The following RAB28 variants were observed in gnomAD, a reference collection of about 807,000 sequenced individuals.
RAB28 encodes ras-related protein Rab-28.
Under a neutral mutation model 31.7 loss-of-function variants are expected in RAB28, and 24 were observed. The ratio of observed to expected loss-of-function variants is 0.76; its 90% CI spans 0.55 to 1.06. The LOEUF (loss-of-function observed/expected upper bound fraction) is 1.06. RAB28 is among the 50% of genes least tolerant of loss of function. The probability of loss-of-function intolerance (pLI) is 0.00; values close to 1 mark genes in which losing one functional copy is unlikely to be tolerated. For synonymous variants in RAB28, 100 were observed against 90.4 expected (o/e 1.11, Z -0.60); for missense variants, 254 against 258.5 (o/e 0.98, Z 0.12).
At chr4:13,471,152 G>T (rs1008323286) in intron 3 of RAB28, among the ~76,000 whole-genome samples, 4 of 152,008 alleles carry the variant, frequency 2.6e-5, no homozygotes, top group Non-Finnish European at 5.9e-5. Context: ...CATCTCTGAA[G>T]ATTTCTGTCC....
chr4:13,409,525 G>A, intron 4 of RAB28, among the ~76,000 whole-genome samples: 1 of 152,152 alleles, frequency 6.6e-6, no homozygotes, highest in South Asian at 2.1e-4. Context: ...CACAAGCAGT[G>A]CAAGTACTCA....
At chr4:13,450,572 A>C (rs1397097587) in intron 4 of RAB28, among the ~76,000 whole-genome samples, 1 of 151,992 alleles carries the variant, frequency 6.6e-6, no homozygotes, top group Non-Finnish European at 1.5e-5. Flanking sequence ...GGTATTAGTT[A>C]AAGCACTGTT....
At chr4:13,436,291 G>A (rs1278860435) in intron 4 of RAB28, among the ~76,000 whole-genome samples, 1 of 152,028 alleles carries the variant, frequency 6.6e-6, no homozygotes, top group East Asian at 1.9e-4. Flanking sequence ...CGTAAGAACT[G>A]CAACAAGACA....
chr4:13,479,452 A>G lies in RAB28; in HGVS notation c.150T>C (p.Phe50=). 1 of 1,606,694 alleles carries G rather than the reference A, an allele frequency of 6.2e-7. No homozygotes were observed. The highest frequency in any genetic ancestry group is 8.5e-7 in the Non-Finnish European group (1 of 1,174,662). Residue 50 remains phenylalanine, a synonymous_variant, in exon 2 of 7, where the codon TTT becomes TTC. Transcript: ENST00000330852. ...QYKQTIGLDF[F]LRRITLPGNL... is the part of the protein sequence containing the mutation. ...TACCTGGCAATGTTATCCTTCTCAAAAAGAAATCCAGTCCTATAGTTTGTT... is the reference window on the plus strand; with the variant it reads ...TACCTGGCAATGTTATCCTTCTCAAGAAGAAATCCAGTCCTATAGTTTGTT...
intron 3 of RAB28, among the ~76,000 whole-genome samples, chr4:13,471,421 C>T (rs1336308319): frequency 6.6e-6 from 1 of 152,068 alleles, no homozygotes; most frequent in Admixed American, 6.6e-5. Flanking sequence ...AAATAGACCA[C>T]TGGTCAATGT....
chr4:13,431,514 TAAA>T (rs1713804029), intron 4 of RAB28, among the ~76,000 whole-genome samples: 1 of 151,970 alleles, frequency 6.6e-6, no homozygotes, highest in Non-Finnish European at 1.5e-5. Context: ...ACCATGAAAT[TAAA>T]AACCTGCTAC....
intron 4 of RAB28, among the ~76,000 whole-genome samples, chr4:13,424,997 T>TA (rs1168126040): frequency 6.6e-6 from 1 of 152,254 alleles, no homozygotes; most frequent in Non-Finnish European, 1.5e-5. Flanking sequence ...CATCTACACT[T>TA]ACTGATTCTA....
At chr4:13,474,202 G>A (rs992222471) in intron 3 of RAB28, 116 bp downstream of exon 3, 66 of 787,614 alleles carry the variant, frequency 8.4e-5, no homozygotes, top group Middle Eastern at 4.5e-4. Flanking sequence ...TTCTCTCTAC[G>A]TATCAGATAA....
At chr4:13,450,638 C>CA (rs1331270571) in intron 4 of RAB28, among the ~76,000 whole-genome samples, 1 of 151,754 alleles carries the variant, frequency 6.6e-6, no homozygotes, top group Non-Finnish European at 1.5e-5. Context: ...GAAATACAGA[C>CA]AAGAAACAAT....
At chr4:13,474,281 A>G (rs1716250002) in intron 3 of RAB28, 37 bp downstream of exon 3, 8 of 1,354,658 alleles carry the variant, frequency 5.9e-6, no homozygotes, top group Non-Finnish European at 8.4e-6. Context: ...TAAGTGGTAT[A>G]CTTTCAATAC....
At chr4:13,393,711 A>T (rs926249142) in intron 4 of RAB28, among the ~76,000 whole-genome samples, 1 of 151,980 alleles carries the variant, frequency 6.6e-6, no homozygotes, top group African/African-American at 2.4e-5. Flanking sequence ...TAACTATATC[A>T]TAACTTTAAA....
chr4:13,402,752 A>G (rs188650420), intron 4 of RAB28, among the ~76,000 whole-genome samples: 8 of 152,176 alleles, frequency 5.3e-5, no homozygotes, highest in African/African-American at 1.9e-4. Context: ...GGGGCCAGAT[A>G]GTAAATATTT....
intron 4 of RAB28, among the ~76,000 whole-genome samples, chr4:13,420,554 C>G (rs1038517261): frequency 6.6e-6 from 1 of 152,168 alleles, no homozygotes; most frequent in Non-Finnish European, 1.5e-5. Context: ...AAAAGCTTAT[C>G]CACCAAGATC....
intron 4 of RAB28, among the ~76,000 whole-genome samples, chr4:13,414,711 A>G (rs1712645969): frequency 6.6e-6 from 1 of 152,256 alleles, no homozygotes. Flanking sequence ...AATTGTATCT[A>G]GCAGTATATA....
chr4:13,388,233 T>A (rs867082674), intron 4 of RAB28, among the ~76,000 whole-genome samples: 1 of 151,950 alleles, frequency 6.6e-6, no homozygotes, highest in African/African-American at 2.4e-5. Context: ...GGCCAAATGA[T>A]CTTCTATAAG....
intron 4 of RAB28, among the ~76,000 whole-genome samples, chr4:13,440,190 A>G (rs1224945360): frequency 6.6e-6 from 1 of 152,188 alleles, no homozygotes; most frequent in African/African-American, 2.4e-5. Flanking sequence ...ATCTTCCAAA[A>G]ATAACTTAAA....
chr4:13,384,388 T>C (rs984192650), intron 4 of RAB28, among the ~76,000 whole-genome samples: 2 of 152,226 alleles, frequency 1.3e-5, no homozygotes, highest in Non-Finnish European at 2.9e-5. Flanking sequence ...CTGCTGCTGC[T>C]GCTGCTAGCA....
chr4:13,406,873 G>C (rs186758202), intron 4 of RAB28, among the ~76,000 whole-genome samples: 15 of 152,244 alleles, frequency 9.9e-5, no homozygotes, highest in African/African-American at 3.6e-4. Context: ...ATTTGTTTAA[G>C]TTCCTTGTAG....
At chr4:13,438,305 A>G (rs1341602886) in intron 4 of RAB28, among the ~76,000 whole-genome samples, 1 of 152,214 alleles carries the variant, frequency 6.6e-6, no homozygotes, top group Non-Finnish European at 1.5e-5. Context: ...ATAAAGTTGA[A>G]CATTTTAAAG....
Sources: gnomAD v4.1 joint callset for allele counts (sites outside exome capture counted in the v4.1 genomes callset) on GRCh38, gnomAD v4.1.1 for gene constraint, MANE v1.5 for transcripts, NCBI Gene and HGNC (gene_info 2026-07-23, HGNC 2026-07-21) for gene names.